The following LRCH1 variants were observed in gnomAD, a reference collection of about 807,000 sequenced individuals.
The protein encoded by LRCH1 is leucine-rich repeat and calponin homology domain-containing protein 1.
Under a neutral mutation model 94.9 loss-of-function variants are expected in LRCH1, and 23 were observed. That is an observed-to-expected ratio of 0.24 (90% confidence interval 0.17 to 0.34). LRCH1 has a LOEUF of 0.34. Ranked by LOEUF, LRCH1 falls within the 10% of genes least tolerant of loss-of-function variation. The pLI is 1.00. For synonymous variants in LRCH1, 364 were observed against 354.9 expected (o/e 1.03, Z -0.29); for missense variants, 790 against 945.9 (o/e 0.84, Z 2.16).
At chr13:46,560,154 T>TATATATATATATATA (rs1555267823) in intron 1 of LRCH1, among the ~76,000 whole-genome samples, 8 of 149,694 alleles carry the variant, frequency 5.3e-5, no homozygotes, top group South Asian at 4.2e-4. Context: ...TATATAGACT[T>TATATATATATATATA]TTTATATTTC....
rs1438408501 is a variant in LRCH1 at position 46,743,291 on chromosome 13, A to G, written c.*1443A>G. The G allele has an allele frequency of 8.1e-6, 8 of 985,524 alleles. No individual in the cohort carries two copies. The highest frequency in any genetic ancestry group is 9.6e-6 in the Non-Finnish European group (8 of 829,728). The allele number at this position is 985,524 out of a possible 1,614,324, so 61.0% of individuals were successfully genotyped here. On this transcript the variant is annotated 3_prime_UTR_variant, in exon 20 of 20. Transcript: ENST00000389797. ...GGAAGACCCACATAGTTAGAAGAAT[A>G]TATTTATAAAGATTCCTTGCTGCTA...
At chr13:46,604,611 G>C (rs1046334553) in intron 1 of LRCH1, among the ~76,000 whole-genome samples, 3 of 152,130 alleles carry the variant, frequency 2.0e-5, no homozygotes, top group Middle Eastern at 3.2e-3. Context: ...ACATCTTGTT[G>C]GTCTTGTTCT....
intron 18 of LRCH1, among the ~76,000 whole-genome samples, chr13:46,730,252 T>C (rs191327894): frequency 2.0e-5 from 3 of 152,348 alleles, no homozygotes; most frequent in Non-Finnish European, 1.5e-5. Flanking sequence ...CTTGATTTGC[T>C]CTTCTCTATA....
At chr13:46,594,540 C>T (rs1388837709) in intron 1 of LRCH1, among the ~76,000 whole-genome samples, 1 of 152,218 alleles carries the variant, frequency 6.6e-6, no homozygotes, top group Non-Finnish European at 1.5e-5. Flanking sequence ...ATCAGGCCAC[C>T]TCCTTGAGCT....
intron 2 of LRCH1, among the ~76,000 whole-genome samples, chr13:46,658,959 G>A (rs2051410585): frequency 6.6e-6 from 1 of 152,104 alleles, no homozygotes; most frequent in Non-Finnish European, 1.5e-5. Context: ...TGTTTTCTAA[G>A]TCTGGTATGC....
intron 7 of LRCH1, among the ~76,000 whole-genome samples, chr13:46,691,663 G>GGGGAGAGCAAC (rs1172905588): frequency 6.6e-6 from 1 of 152,144 alleles, no homozygotes; most frequent in African/African-American, 2.4e-5. Context: ...AACGAGGTTG[G>GGGGAGAGCAAC]GGGAGAGCAA....
At chr13:46,559,624 A>G (rs1429567030) in intron 1 of LRCH1, among the ~76,000 whole-genome samples, 2 of 152,370 alleles carry the variant, frequency 1.3e-5, no homozygotes, top group African/African-American at 4.8e-5. Context: ...TTTCTTGAAA[A>G]GGCAAGGACA....
intron 1 of LRCH1, among the ~76,000 whole-genome samples, chr13:46,623,449 G>T (rs1376500412): frequency 2.0e-5 from 3 of 152,132 alleles, no homozygotes; most frequent in African/African-American, 7.2e-5. Flanking sequence ...TCTATAAAAT[G>T]TTAGATTTTT....
chr13:46,580,317 T>C (rs2050350653), intron 1 of LRCH1, among the ~76,000 whole-genome samples: 1 of 152,214 alleles, frequency 6.6e-6, no homozygotes, highest in Non-Finnish European at 1.5e-5. Context: ...TTTTACTTTT[T>C]CTTGTAGGGC....
At chr13:46,690,943 T>C (rs1176924461) in intron 7 of LRCH1, among the ~76,000 whole-genome samples, 1 of 152,228 alleles carries the variant, frequency 6.6e-6, no homozygotes, top group South Asian at 2.1e-4. Context: ...CATTGATTGA[T>C]TTAGCATTTG....
chr13:46,721,005 T>A (rs1872564694), intron 16 of LRCH1, among the ~76,000 whole-genome samples: 1 of 152,224 alleles, frequency 6.6e-6, no homozygotes, highest in Admixed American at 6.5e-5. Flanking sequence ...ACACTTTTGG[T>A]TGCCTAACAT....
At position 46,684,124 on chromosome 13, in the gene LRCH1, T is replaced by G. The variant is rs145951817; in HGVS notation, c.686-1781T>G. Among the ~76,000 whole-genome samples, 43 of 152,338 alleles carry G rather than the reference T, an allele frequency of 2.8e-4. 1 individual carries two copies. The highest frequency in any genetic ancestry group is 9.6e-4 in the African/African-American group (40 of 41,584). ...GCAATAAGAAGACCATATTTTATTC[T>G]TTCTAGGACTAGAATGAAGAGGGGA... On this transcript the variant is annotated intron_variant, in intron 4 of 19. Transcript: ENST00000389797.
chr13:46,751,085 G>C (rs1188690658), exon 19 of LRCH1: 1 of 152,586 alleles, frequency 6.6e-6, no homozygotes, highest in Non-Finnish European at 1.5e-5. Flanking sequence ...GAGGTTTCTT[G>C]AGACCATTGC....
chr13:46,660,034 C>CTTTTTTTTTTTTTTTTTTTTTTTTTTTTT (rs767544799), intron 2 of LRCH1, among the ~76,000 whole-genome samples: 1 of 103,664 alleles, frequency 9.6e-6, no homozygotes, highest in African/African-American at 3.6e-5. Context: ...TTAGGAGTCA[C>CTTTTTTTTTTTTTTTTTTTTTTTTTTTTT]TTTTTTTTTT....
chr13:46,570,373 G>A (rs574222702), intron 1 of LRCH1, among the ~76,000 whole-genome samples: 1 of 152,028 alleles, frequency 6.6e-6, no homozygotes, highest in Non-Finnish European at 1.5e-5. Flanking sequence ...TATCTCACAG[G>A]GTCCTTATCC....
Position 46,742,904 on chromosome 13 carries a change from T to C in LRCH1, c.*1056T>C. The C allele has an allele frequency of 1.0e-6, 1 of 985,230 alleles. No individual in the cohort carries two copies. Among genetic ancestry groups the C allele is most frequent in the Non-Finnish European group, 1.2e-6 (1 of 829,728 alleles). 61.0% of individuals were successfully genotyped at this position (985,230 alleles called of 1,614,324 possible). On this transcript the variant is annotated 3_prime_UTR_variant, in exon 20 of 20. Coordinates refer to ENST00000389797, the MANE Select transcript of LRCH1 (RefSeq NM_001164211.2). ...ATTTAGCCTTTGATTTTCACTGATA[T>C]TAACTAGCAAACTGCTTTAAGTCAG...
rs554140912 is a variant in LRCH1, at chr13:46,616,419, C to A, written c.308-33782C>A. Among the ~76,000 whole-genome samples, 309 of 152,270 alleles carry A rather than the reference C, an allele frequency of 2.0e-3. 1 individual carries two copies. The highest frequency in any genetic ancestry group is 0.01 in the Middle Eastern group (3 of 294). On this transcript the variant is annotated intron_variant, in intron 1 of 19. Coordinates refer to ENST00000389797, the MANE Select transcript of LRCH1 (RefSeq NM_001164211.2). The stretch of plus-strand genomic sequence containing the variant: ...CTCTCCCCTTAACCTGACAGCACCC[C>A]CAACCCAGTCTTTGGTCATAAGCCT...
intron 1 of LRCH1, among the ~76,000 whole-genome samples, chr13:46,569,920 G>A (rs2050223662): frequency 6.6e-6 from 1 of 152,058 alleles, no homozygotes; most frequent in South Asian, 2.1e-4. Context: ...CCTCTTCTAG[G>A]ATGCCCCAAA....
intron 1 of LRCH1, among the ~76,000 whole-genome samples, chr13:46,641,073 C>G (rs1250027398): frequency 6.6e-6 from 1 of 152,050 alleles, no homozygotes; most frequent in African/African-American, 2.4e-5. Context: ...GGGTAGCACT[C>G]CCTTACTGGG....
Sources: allele counts gnomAD v4.1 joint callset (sites outside exome capture counted in the v4.1 genomes callset), GRCh38; gene constraint gnomAD v4.1.1; transcripts MANE v1.5; gene names NCBI Gene and HGNC (gene_info 2026-07-23, HGNC 2026-07-21).